CFDP1: variants seen among roughly 807,000 people sequenced by gnomAD.
The protein encoded by CFDP1 is chromatin remodeling protein CFDP1, also known as heterochromatin-stabilizing protein CFDP1.
CFDP1 carries 31 observed loss-of-function variants against 40.1 expected under a neutral mutation model. That is an observed-to-expected ratio of 0.77 (90% CI 0.58 to 1.04). CFDP1 has a LOEUF of 1.04. Ranked by LOEUF, CFDP1 falls within the 50% of genes least tolerant of loss-of-function variation. CFDP1 has a pLI of 0.00. For synonymous variants in CFDP1, 167 were observed against 120.0 expected, an observed-to-expected ratio of 1.39 and a Z score of -2.56; for missense variants, 423 against 343.4, an observed-to-expected ratio of 1.23 and a Z score of -1.83.
chr16:75,321,283 A>G (rs578100710), intron 5 of CFDP1, among the ~76,000 whole-genome samples: 5 of 152,098 alleles, frequency 3.3e-5, no homozygotes, highest in African/African-American at 1.2e-4. Context: ...ACTTTTTATA[A>G]TAGCTTTACT....
Position 75,433,368 on chromosome 16 carries a change from C to T in CFDP1, c.-16G>A. The T allele has an allele frequency of 6.3e-7, 1 of 1,582,018 alleles. No homozygotes were observed. Among genetic ancestry groups the T allele is most frequent in the East Asian group, 2.3e-5 (1 of 43,542 alleles). On this transcript the variant is annotated 5_prime_UTR_variant, in exon 1 of 7. Transcript: ENST00000283882. ...ATTCCTCCATGTTGCTGCCGCTCGA[C>T]GCTGGTCAAACTCACAAGACCGCAG...
chr16:75,307,835 T>C (rs997284774), intron 5 of CFDP1, among the ~76,000 whole-genome samples: 2 of 152,314 alleles, frequency 1.3e-5, no homozygotes, highest in Non-Finnish European at 1.5e-5. Context: ...ACTGGGATTA[T>C]AGGCACAAGC....
At chr16:75,402,011 T>C (rs2151572307) in intron 4 of CFDP1, among the ~76,000 whole-genome samples, 1 of 152,310 alleles carries the variant, frequency 6.6e-6, no homozygotes, top group Non-Finnish European at 1.5e-5. Context: ...AATTTCTTAG[T>C]GCCAAAGTCC....
intron 5 of CFDP1, among the ~76,000 whole-genome samples, chr16:75,380,843 C>T (rs1403962015): frequency 1.3e-5 from 2 of 152,136 alleles, no homozygotes; most frequent in Non-Finnish European, 2.9e-5. Context: ...GATCACACCA[C>T]AGATAAAACC....
intron 5 of CFDP1, among the ~76,000 whole-genome samples, chr16:75,373,655 TTTTTA>T (rs1438277324): frequency 2.6e-5 from 4 of 152,118 alleles, no homozygotes; most frequent in African/African-American, 9.7e-5. Context: ...ATTCTTTTTA[TTTTTA>T]TTTATTTATT....
chr16:75,433,302 G>A lies in CFDP1; in HGVS notation c.51C>T (p.Asp17=). The part of the protein sequence containing the change: ...EDFSTSEEDE[D]YVPSGGEYSE... ...GGAATCGCTCACCCGACGGCACGTA[G>A]TCCTCGTCCTCCTCCGACGTAGAGA... Residue 17 remains aspartate, a synonymous_variant, in exon 1 of 7, where the codon GAC becomes GAT. Transcript: ENST00000283882. The A allele has an allele frequency of 6.2e-7, 1 of 1,600,712 alleles. No homozygotes were observed. The highest frequency in any genetic ancestry group is 1.1e-5 in the South Asian group (1 of 89,382).
intron 5 of CFDP1, among the ~76,000 whole-genome samples, chr16:75,332,242 A>C (rs2078451284): frequency 1.3e-5 from 2 of 152,154 alleles, no homozygotes; most frequent in African/African-American, 4.8e-5. Flanking sequence ...AGGTGGGCGG[A>C]TCACCTGAGG....
chr16:75,396,308 G>A (rs1485977729), intron 4 of CFDP1, among the ~76,000 whole-genome samples: 1 of 104,854 alleles, frequency 9.5e-6, no homozygotes, highest in African/African-American at 2.8e-5. Flanking sequence ...GGGAGGCCAA[G>A]GCAGGCGGAC....
At position 75,395,091 on chromosome 16, in the gene CFDP1, C is replaced by G. The variant is rs367774683; in HGVS notation, c.649G>C (p.Gly217Arg). 6.2e-7 allele frequency: 1 copy of G among 1,613,664 alleles called. No homozygotes were observed. Among genetic ancestry groups the G allele is most frequent in the Non-Finnish European group, 8.5e-7 (1 of 1,179,730 alleles). ...AGGGAGTGAGACTCAAATACTCACC[C>G]TGACCCGGCAGGGAGTGATGGCAGA... ...SALPSLPAGS[G>R]LKRSSGMSSL... The change falls in exon 5 of 7, where the codon GGG (glycine) becomes CGG (arginine). Residue 217 changes from glycine (G) to arginine (R), a missense_variant and splice_region_variant. By Grantham distance (125) the Gly-to-Arg change is moderately radical. Transcript: ENST00000283882.
intron 5 of CFDP1, among the ~76,000 whole-genome samples, chr16:75,368,688 C>CT (rs1045797020): frequency 4.6e-4 from 66 of 143,262 alleles, no homozygotes; most frequent in Middle Eastern, 7.1e-3. Flanking sequence ...TATTTTCTTT[C>CT]TTTTTTTTTT....
intron 1 of CFDP1, among the ~76,000 whole-genome samples, chr16:75,432,454 G>C (rs1301162115): frequency 6.6e-6 from 1 of 151,460 alleles, no homozygotes; most frequent in African/African-American, 2.4e-5. Flanking sequence ...CAGAGGCTGA[G>C]ACGGGAGGAT....
intron 5 of CFDP1, among the ~76,000 whole-genome samples, chr16:75,319,566 ATCCGCAACATC>A (rs1380165989): frequency 1.1e-4 from 16 of 152,134 alleles, no homozygotes; most frequent in Admixed American, 1.0e-3. Context: ...TCTCAGTGGC[ATCCGCAACATC>A]GTTTGCTCAC....
At chr16:75,409,229 C>A (rs967936082) in intron 4 of CFDP1, 1 of 152,128 alleles carries the variant, frequency 6.6e-6, no homozygotes. Flanking sequence ...CAATGAACAG[C>A]CTGTATAATT....
At chr16:75,348,050 G>C (rs2078582214) in intron 5 of CFDP1, among the ~76,000 whole-genome samples, 1 of 152,164 alleles carries the variant, frequency 6.6e-6, no homozygotes, top group South Asian at 2.1e-4. Context: ...GAACACAAAC[G>C]GTTATTAGTG....
intron 5 of CFDP1, among the ~76,000 whole-genome samples, chr16:75,327,666 T>C (rs1393564921): frequency 6.6e-6 from 1 of 152,050 alleles, no homozygotes; most frequent in Non-Finnish European, 1.5e-5. Flanking sequence ...AAAATAAAAA[T>C]AGTCCATGCC....
At chr16:75,301,111 C>CTCATGGAA (rs1473941398) in intron 6 of CFDP1, among the ~76,000 whole-genome samples, 1 of 152,128 alleles carries the variant, frequency 6.6e-6, no homozygotes, top group East Asian at 1.9e-4. Flanking sequence ...GAAAAGCGAG[C>CTCATGGAA]ACAGGACTCA....
chr16:75,428,783 G>C (rs1423776465), intron 1 of CFDP1, among the ~76,000 whole-genome samples: 1 of 152,106 alleles, frequency 6.6e-6, no homozygotes, highest in African/African-American at 2.4e-5. Flanking sequence ...CAAAATGGCT[G>C]AAAACACTCA....
intron 4 of CFDP1, among the ~76,000 whole-genome samples, chr16:75,410,973 C>A (rs1475899722): frequency 6.7e-6 from 1 of 150,098 alleles, no homozygotes; most frequent in African/African-American, 2.5e-5. Flanking sequence ...AATCCTAGCA[C>A]TTTGGGAGGC....
At chr16:75,351,407 T>C (rs574285269) in intron 5 of CFDP1, among the ~76,000 whole-genome samples, 1 of 152,168 alleles carries the variant, frequency 6.6e-6, no homozygotes, top group South Asian at 2.1e-4. Flanking sequence ...GGACAGGAAA[T>C]GTACTAAAGG....
Sources: gnomAD v4.1 joint callset for allele counts (sites outside exome capture counted in the v4.1 genomes callset) on GRCh38, gnomAD v4.1.1 for gene constraint, MANE v1.5 for transcripts, NCBI Gene and HGNC (gene_info 2026-07-23, HGNC 2026-07-21) for gene names.